Variants in ENOX1 observed in about 807,000 individuals in gnomAD.
ENOX1 encodes the protein ecto-NOX disulfide-thiol exchanger 1.
A neutral mutation model predicts 82.5 loss-of-function variants in ENOX1; 42 were observed. The observed-to-expected ratio is 0.51, with a 90% confidence interval of 0.40 to 0.66. The LOEUF (loss-of-function observed/expected upper bound fraction) is 0.66. Among genes scored for constraint, ENOX1 ranks in the 30% least tolerant of loss-of-function variants. The probability of loss-of-function intolerance (pLI) is 0.00; values close to 1 mark genes in which losing one functional copy is unlikely to be tolerated. For missense variants in ENOX1, 608 were observed against 811.6 expected (o/e 0.75, Z 3.05); for synonymous variants, 271 against 282.2 (o/e 0.96, Z 0.40).
At chr13:43,651,695 T>TAAAAAAAAAAAAAAAAAG (rs57810969) in intron 2 of ENOX1, among the ~76,000 whole-genome samples, 1 of 96,936 alleles carries the variant, frequency 1.0e-5, no homozygotes, top group East Asian at 3.0e-4. Context: ...AGACTCTGTC[T>TAAAAAAAAAAAAAAAAAG]AAAAAAAAAA....
intron 9 of ENOX1, among the ~76,000 whole-genome samples, chr13:43,334,756 G>T (rs551937336): frequency 1.3e-5 from 2 of 152,162 alleles, no homozygotes; most frequent in South Asian, 4.1e-4. Context: ...GTGTCTACCA[G>T]GCTGGAACCA....
intron 1 of ENOX1, among the ~76,000 whole-genome samples, chr13:43,717,970 C>G (rs1303629746): frequency 6.6e-6 from 1 of 152,100 alleles, no homozygotes; most frequent in Non-Finnish European, 1.5e-5. Context: ...GGAAAGAAGC[C>G]TGGAGATTTC....
intron 12 of ENOX1, among the ~76,000 whole-genome samples, chr13:43,293,938 T>C (rs2046152061): frequency 1.3e-5 from 2 of 152,220 alleles, no homozygotes; most frequent in South Asian, 2.1e-4. Flanking sequence ...ATGTTCTACT[T>C]TGAGTATAAA....
chr13:43,580,631 A>T (rs938629991), intron 2 of ENOX1, among the ~76,000 whole-genome samples: 6 of 152,212 alleles, frequency 3.9e-5, no homozygotes, highest in Admixed American at 1.3e-4. Flanking sequence ...CATTTGGGGC[A>T]GTTCTTTCAA....
intron 1 of ENOX1, among the ~76,000 whole-genome samples, chr13:43,690,380 C>T (rs1028721941): frequency 4.0e-5 from 6 of 151,868 alleles, no homozygotes; most frequent in African/African-American, 9.7e-5. Flanking sequence ...CTCAGCTTGA[C>T]CAAGTGACTA....
intron 12 of ENOX1, among the ~76,000 whole-genome samples, chr13:43,289,511 C>G (rs1037509769): frequency 1.3e-5 from 2 of 152,198 alleles, no homozygotes; most frequent in African/African-American, 4.8e-5. Flanking sequence ...GGATAACTGA[C>G]TAGCCTTAGA....
At chr13:43,458,443 T>C (rs1317140423) in intron 3 of ENOX1, 1 of 152,200 alleles carries the variant, frequency 6.6e-6, no homozygotes, top group Non-Finnish European at 1.5e-5. Context: ...TAATTTTTCA[T>C]TTCCATTTTT....
At chr13:43,452,396 T>C (rs1357343165) in intron 3 of ENOX1, among the ~76,000 whole-genome samples, 1 of 152,214 alleles carries the variant, frequency 6.6e-6, no homozygotes, top group African/African-American at 2.4e-5. Flanking sequence ...CTTGTGTTAG[T>C]TCACTGAGAA....
At chr13:43,752,860 C>CT (rs552470782) in intron 1 of ENOX1, among the ~76,000 whole-genome samples, 3,420 of 145,974 alleles carry the variant, frequency 0.023, 131 homozygotes, top group African/African-American at 0.078. Flanking sequence ...CATTGCATTT[C>CT]TTTTTTTTTT....
chr13:43,427,334 A>G (rs2055374219), intron 3 of ENOX1, among the ~76,000 whole-genome samples: 1 of 152,236 alleles, frequency 6.6e-6, no homozygotes, highest in African/African-American at 2.4e-5. Flanking sequence ...TATGAGATAG[A>G]TGTTATTCCA....
At chr13:43,748,435 A>C (rs1404956737) in intron 1 of ENOX1, among the ~76,000 whole-genome samples, 2 of 152,230 alleles carry the variant, frequency 1.3e-5, no homozygotes, top group Admixed American at 1.3e-4. Flanking sequence ...CATTGACTAA[A>C]AAGTTCTAAA....
chr13:43,659,246 T>TG (rs1349165262), intron 2 of ENOX1, among the ~76,000 whole-genome samples: 2 of 152,112 alleles, frequency 1.3e-5, no homozygotes, highest in African/African-American at 4.8e-5. Context: ...CCCAGCATTT[T>TG]GGGGGGCAGA....
At chr13:43,301,689 TA>T (rs1412288523) in intron 11 of ENOX1, among the ~76,000 whole-genome samples, 26 of 152,170 alleles carry the variant, frequency 1.7e-4, no homozygotes, top group Admixed American at 6.5e-5. Context: ...GCTTGGTTTT[TA>T]CAAAAAAATT....
At chr13:43,539,726 T>C (rs2078628250) in intron 2 of ENOX1, among the ~76,000 whole-genome samples, 2 of 152,184 alleles carry the variant, frequency 1.3e-5, no homozygotes, top group Admixed American at 1.3e-4. Flanking sequence ...CTTACTAATG[T>C]TTTGTGTGTA....
intron 12 of ENOX1, among the ~76,000 whole-genome samples, chr13:43,286,489 C>T (rs1401971783): frequency 1.3e-5 from 2 of 152,132 alleles, no homozygotes; most frequent in Non-Finnish European, 2.9e-5. Context: ...GTCAGGATTT[C>T]CCATTGCAGA....
intron 1 of ENOX1, among the ~76,000 whole-genome samples, chr13:43,727,106 G>C (rs1450926476): frequency 6.6e-6 from 1 of 152,100 alleles, no homozygotes; most frequent in Non-Finnish European, 1.5e-5. Flanking sequence ...TCCTTCATGG[G>C]TGCTGGTACT....
chr13:43,463,343 A>C (rs1248124738), intron 3 of ENOX1, among the ~76,000 whole-genome samples: 1 of 152,192 alleles, frequency 6.6e-6, no homozygotes, highest in Non-Finnish European at 1.5e-5. Context: ...AACATGTTTC[A>C]CATTCTTTGC....
chr13:43,264,511 A>G (rs1566370784), intron 14 of ENOX1, among the ~76,000 whole-genome samples: 1 of 152,186 alleles, frequency 6.6e-6, no homozygotes, highest in African/African-American at 2.4e-5. Context: ...ATTAAGTGGG[A>G]TTTTTTTGAT....
chr13:43,333,472 T>C (rs915854257), intron 9 of ENOX1, among the ~76,000 whole-genome samples: 1 of 152,248 alleles, frequency 6.6e-6, no homozygotes, highest in African/African-American at 2.4e-5. Context: ...TATTCAGTTG[T>C]TGGCTCGATG....
Sources: allele counts gnomAD v4.1 joint callset (sites outside exome capture counted in the v4.1 genomes callset), GRCh38; gene constraint gnomAD v4.1.1; transcripts MANE v1.5; gene names NCBI Gene and HGNC (gene_info 2026-07-23, HGNC 2026-07-21).